Variants in ST3GAL1 observed in about 807,000 individuals in gnomAD.
ST3GAL1 encodes ST3 beta-galactoside alpha-2,3-sialyltransferase 1.
ST3GAL1 carries 16 observed loss-of-function variants against 34.1 expected under a neutral mutation model. That is an observed-to-expected ratio of 0.47 (90% CI 0.32 to 0.71). The LOEUF (loss-of-function observed/expected upper bound fraction) is 0.71. Ranked by LOEUF, ST3GAL1 falls within the 30% of genes least tolerant of loss-of-function variation. ST3GAL1 has a pLI of 0.04. For synonymous variants in ST3GAL1, 191 were observed against 184.7 expected (o/e 1.03, Z -0.28); for missense variants, 353 against 447.4 (o/e 0.79, Z 1.90).
chr8:133,520,078 C>G (rs1423429125), intron 2 of ST3GAL1, among the ~76,000 whole-genome samples: 1 of 152,228 alleles, frequency 6.6e-6, no homozygotes, highest in Non-Finnish European at 1.5e-5. Flanking sequence ...ATTCTTTCAG[C>G]CCACGCATAT....
rs116621502 is a variant in ST3GAL1, at chr8:133,477,084, G to A, written c.-373-484C>T. 3.5e-3 allele frequency among the ~76,000 whole-genome samples: 531 copies of A among 152,286 alleles called. 7 individuals carry two copies. Among genetic ancestry groups the A allele is most frequent in the African/African-American group, 0.012 (512 of 41,570 alleles). ...CAATTGGCCTCAGTTCCATAAAAAG[G>A]GGCTTTAGATGGTCCAGGTTCAAGT... On this transcript the variant is annotated intron_variant, in intron 3 of 9. Transcript: ENST00000522652.
At chr8:133,513,512 G>T (rs755392702) in intron 2 of ST3GAL1, among the ~76,000 whole-genome samples, 4 of 152,178 alleles carry the variant, frequency 2.6e-5, no homozygotes, top group Non-Finnish European at 5.9e-5. Flanking sequence ...CAGTGTCCAC[G>T]GCTACTTTCG....
chr8:133,500,554 G>A (rs767593551), intron 2 of ST3GAL1, among the ~76,000 whole-genome samples: 1 of 152,144 alleles, frequency 6.6e-6, no homozygotes, highest in Non-Finnish European at 1.5e-5. Flanking sequence ...TGAGGGTGGG[G>A]GGCTATGAAG....
chr8:133,569,750 C>T (rs1014947966), intron 1 of ST3GAL1, among the ~76,000 whole-genome samples: 6 of 152,148 alleles, frequency 3.9e-5, no homozygotes, highest in African/African-American at 1.4e-4. Flanking sequence ...CCTTCCCCAC[C>T]GCAGAGACAA....
In ST3GAL1 at chr8:133,508,282, C is replaced by G. The variant is rs1817402217; in HGVS notation, c.-428-9093G>C. ...ATTATCGGATTCCTGTCTTTCCTTT[C>G]TGCTGCCTATAATCTTCTGAGGCTC... is the stretch of plus-strand genomic sequence containing the variant. On this transcript the variant is annotated intron_variant, in intron 2 of 9. Transcript: ENST00000522652. The surrounding 1 kb of genome is among the most constrained non-coding windows in gnomAD (Gnocchi z 4.1). Among the ~76,000 whole-genome samples the G allele has an allele frequency of 1.3e-5, 2 of 152,224 alleles. No individual in the cohort carries two copies. Among genetic ancestry groups the G allele is most frequent in the South Asian group, 4.1e-4 (2 of 4,834 alleles).
chr8:133,486,150 G>A (rs1816585547), intron 3 of ST3GAL1, among the ~76,000 whole-genome samples: 1 of 152,218 alleles, frequency 6.6e-6, no homozygotes, highest in Admixed American at 6.5e-5. Context: ...GCCGGTAGGT[G>A]TAAAGTCAGG....
In ST3GAL1 at chr8:133,527,649, T is replaced by C. The variant is rs138539987; in HGVS notation, c.-429+18125A>G. ...TGACATCATGTGCGTGCAACCAAAA[T>C]AGCATTTGGCTCATCCTAGGCACGG... On this transcript the variant is annotated intron_variant, in intron 2 of 9. Transcript: ENST00000522652. Among the ~76,000 whole-genome samples the C allele has an allele frequency of 7.3e-4, 111 of 152,284 alleles. 1 individual carries two copies. Among genetic ancestry groups the C allele is most frequent in the African/African-American group, 2.5e-3 (105 of 41,554 alleles).
chr8:133,490,852 C>T (rs1257036757), intron 3 of ST3GAL1, among the ~76,000 whole-genome samples: 1 of 152,082 alleles, frequency 6.6e-6, no homozygotes, highest in Admixed American at 6.6e-5. Context: ...CACAGGACAC[C>T]CTGTGGGAGT....
Position 133,457,992 on chromosome 8 carries a change from C to T in ST3GAL1, c.*1772G>A, listed in dbSNP as rs1262859017. ...GTAACTGGAGCCAACAATCACCGTC[C>T]CCCACATTCCTGTCACTCTCCACTC... On this transcript the variant is annotated 3_prime_UTR_variant, in exon 10 of 10. Transcript: ENST00000522652. The T allele has an allele frequency of 2.6e-5, 4 of 152,212 alleles. No homozygotes were observed. The highest frequency in any genetic ancestry group is 5.9e-5 in the Non-Finnish European group (4 of 68,050). 9.4% of individuals were successfully genotyped at this position (152,212 alleles called of 1,614,324 possible).
chr8:133,534,870 G>C (rs1403635766), intron 2 of ST3GAL1, among the ~76,000 whole-genome samples: 3 of 152,244 alleles, frequency 2.0e-5, no homozygotes, highest in Admixed American at 6.5e-5. Context: ...GGAAAGGCAT[G>C]CCTGGCCCAC....
At chr8:133,509,025 A>C (rs781112609) in intron 2 of ST3GAL1, among the ~76,000 whole-genome samples, 1 of 152,200 alleles carries the variant, frequency 6.6e-6, no homozygotes, top group Non-Finnish European at 1.5e-5. Flanking sequence ...GAGACATCTC[A>C]GGCTTGTCAC....
At position 133,556,279 on chromosome 8, in the gene ST3GAL1, G is replaced by A. The variant is rs1007928335; in HGVS notation, c.-581-10353C>T. Among the ~76,000 whole-genome samples, 2 of 152,148 alleles carry A rather than the reference G, an allele frequency of 1.3e-5. No homozygotes were observed. Among genetic ancestry groups the A allele is most frequent in the Non-Finnish European group, 1.5e-5 (1 of 68,042 alleles). On this transcript the variant is annotated intron_variant, in intron 1 of 9. Coordinates refer to ENST00000522652, the MANE Select transcript of ST3GAL1 (RefSeq NM_173344.3). The surrounding 1 kb of genome is among the most constrained non-coding windows in gnomAD (Gnocchi z 8.9). ...GAGCACAAGGGGTAACACTAAGCTC[G>A]GACGTGGAAGTCACTTGCCCCAGAT... is the stretch of plus-strand genomic sequence containing the variant.
Position 133,455,410 on chromosome 8 carries a change from G to A in ST3GAL1, c.*4354C>T, listed in dbSNP as rs1402770223. 1 of 152,290 alleles carries A rather than the reference G, an allele frequency of 6.6e-6. No individual in the cohort carries two copies. The allele number at this position is 152,290 out of a possible 1,614,324, so 9.4% of individuals were successfully genotyped here. On this transcript the variant is annotated 3_prime_UTR_variant, in exon 10 of 10. Coordinates refer to ENST00000522652, the MANE Select transcript of ST3GAL1 (RefSeq NM_173344.3). Reference sequence around the variant, plus strand: ...GGTAATGCCCTGATCCTGACAAGCTGTGAGATGCTGTCTTGCCTGTCTCTG... The same window carrying A: ...GGTAATGCCCTGATCCTGACAAGCTATGAGATGCTGTCTTGCCTGTCTCTG...
intron 2 of ST3GAL1, among the ~76,000 whole-genome samples, chr8:133,520,358 T>C (rs1433192268): frequency 6.6e-6 from 1 of 152,232 alleles, no homozygotes; most frequent in Non-Finnish European, 1.5e-5. Context: ...CCCCCTCTTC[T>C]GGCACCACAG....
intron 3 of ST3GAL1, among the ~76,000 whole-genome samples, chr8:133,480,335 C>A (rs762511828): frequency 1.3e-5 from 2 of 152,180 alleles, no homozygotes; most frequent in African/African-American, 2.4e-5. Context: ...AGTTGAGGGG[C>A]AATGACCAGA....
At chr8:133,462,183 G>T (rs962204961) in intron 8 of ST3GAL1, among the ~76,000 whole-genome samples, 189 bp from the exon 9 acceptor site, 3 of 152,194 alleles carry the variant, frequency 2.0e-5, no homozygotes, top group African/African-American at 4.8e-5. Flanking sequence ...AGACAGAGGT[G>T]CTGAGCTAAT....
chr8:133,471,206 A>G (rs987898022), intron 5 of ST3GAL1, among the ~76,000 whole-genome samples: 14 of 152,152 alleles, frequency 9.2e-5, no homozygotes, highest in Non-Finnish European at 4.4e-5. Context: ...AGACACAAGC[A>G]TGCTAGGTAG....
rs1263640824 is a variant in ST3GAL1, at chr8:133,541,113, AT to A, written c.-429+4660del. Among the ~76,000 whole-genome samples the A allele has an allele frequency of 1.3e-4, 11 of 86,902 alleles. 2 individuals carry two copies. Among genetic ancestry groups the A allele is most frequent in the African/African-American group, 6.5e-4 (11 of 16,872 alleles). 57.0% of individuals were successfully genotyped at this position (86,902 alleles called of 152,430 possible). Reference sequence around the variant, plus strand: ...TATATAAACATATATATATATATATATATATATAGAGAGAGAGAGAGAGAGA... The same window carrying A: ...TATATAAACATATATATATATATATAATATATAGAGAGAGAGAGAGAGAGA... On this transcript the variant is annotated intron_variant, in intron 2 of 9. Transcript: ENST00000522652.
intron 3 of ST3GAL1, among the ~76,000 whole-genome samples, chr8:133,493,091 G>A (rs562518715): frequency 1.4e-4 from 22 of 152,340 alleles, no homozygotes; most frequent in African/African-American, 4.1e-4. Flanking sequence ...CACTGGGAGT[G>A]TGCCTCCCAT....
Sources: gnomAD v4.1 joint callset for allele counts (sites outside exome capture counted in the v4.1 genomes callset) on GRCh38, gnomAD v4.1.1 for gene constraint, Gnocchi (gnomAD v3.1) non-coding constraint, MANE v1.5 for transcripts, NCBI Gene and HGNC (gene_info 2026-07-23, HGNC 2026-07-21) for gene names.